The following PRMT3 variants were observed in gnomAD, a reference collection of about 807,000 sequenced individuals.
PRMT3 encodes protein arginine N-methyltransferase 3.
PRMT3 carries 62 observed loss-of-function variants against 71.9 expected under a neutral mutation model. The observed-to-expected ratio is 0.86, with a 90% CI of 0.70 to 1.07. The LOEUF is 1.07. Ranked by LOEUF, PRMT3 falls within the 50% of genes least tolerant of loss-of-function variation. The probability of loss-of-function intolerance (pLI) is 0.00; values close to 1 mark genes in which losing one functional copy is unlikely to be tolerated. For synonymous variants in PRMT3, 213 were observed against 220.4 expected, an observed-to-expected ratio of 0.97 and a Z score of 0.30; for missense variants, 663 against 643.0, an observed-to-expected ratio of 1.03 and a Z score of -0.34.
At chr11:20,410,732 C>T (rs564634571) in intron 9 of PRMT3, among the ~76,000 whole-genome samples, 8 of 151,908 alleles carry the variant, frequency 5.3e-5, no homozygotes, top group East Asian at 1.9e-4. Context: ...TTAAAGTCTC[C>T]GGGAAAGCTA....
intron 15 of PRMT3, 56 bp downstream of exon 15, chr11:20,494,310 C>T (rs1851283865): frequency 1.4e-6 from 2 of 1,380,976 alleles, no homozygotes; most frequent in Non-Finnish European, 2.0e-6. Flanking sequence ...AAATGATATT[C>T]ATTCATTTTA....
chr11:20,467,299 C>G (rs1485862489), intron 13 of PRMT3, among the ~76,000 whole-genome samples: 1 of 152,172 alleles, frequency 6.6e-6, no homozygotes, highest in East Asian at 1.9e-4. Flanking sequence ...GTGCTAATCA[C>G]TTTAAAAGCA....
intron 13 of PRMT3, among the ~76,000 whole-genome samples, chr11:20,466,563 GCAGTTTTAGCTA>G (rs1183984727): frequency 6.6e-6 from 1 of 152,128 alleles, no homozygotes. Flanking sequence ...GTTTTGGAAA[GCAGTTTTAGCTA>G]CAGTTTTATA....
At chr11:20,493,316 A>G (rs949407502) in intron 13 of PRMT3, among the ~76,000 whole-genome samples, 2 of 152,208 alleles carry the variant, frequency 1.3e-5, no homozygotes, top group African/African-American at 4.8e-5. Context: ...ACTTAAAAAC[A>G]GATATACTGG....
At chr11:20,472,601 A>C (rs111593231) in intron 13 of PRMT3, among the ~76,000 whole-genome samples, 21 of 151,886 alleles carry the variant, frequency 1.4e-4, no homozygotes, top group African/African-American at 3.9e-4. Context: ...TTTTGCATTG[A>C]TGTTCATCAA....
Position 20,499,834 on chromosome 11 carries a change from T to C in PRMT3, c.1486+5580T>C, listed in dbSNP as rs1031617454. 2.0e-5 allele frequency among the ~76,000 whole-genome samples: 3 copies of C among 152,272 alleles called. No individual in the cohort carries two copies. The East Asian group carries it at 5.8e-4, about 29-fold the overall frequency. On this transcript the variant is annotated intron_variant, in intron 15 of 15. Transcript: ENST00000331079. ...AATGCTGCCTCCAGGAAGCACACTT[T>C]AAATATAAAGGCACTGAAATTCCGG... is the stretch of plus-strand genomic sequence containing the variant.
chr11:20,393,426 C>T (rs1376459237), intron 5 of PRMT3, among the ~76,000 whole-genome samples: 1 of 152,200 alleles, frequency 6.6e-6, no homozygotes, highest in Non-Finnish European at 1.5e-5. Flanking sequence ...ACTCTGTGAT[C>T]AAAAGATTGT....
In PRMT3 at chr11:20,392,299, CAAAG is replaced by C. The variant is rs1359867528; in HGVS notation, c.297+43_297+46del. ...TTAATTTATAATTTCGTTTAGAAAT[CAAAG>C]AAATGCTACAGTGACTGTCAGTGTA... is the stretch of plus-strand genomic sequence containing the variant. On this transcript the variant is annotated intron_variant, in intron 4 of 15. Transcript: ENST00000331079. The C allele has an allele frequency of 1.2e-5, 19 of 1,523,648 alleles. 1 individual carries two copies. Among genetic ancestry groups the C allele is most frequent in the African/African-American group, 1.1e-4 (8 of 72,068 alleles). The allele number at this position is 1,523,648 out of a possible 1,614,324, so 94.4% of individuals were successfully genotyped here. A position where few individuals can be genotyped will look rare whatever the true frequency, so the allele number is the denominator to read the frequency against.
At chr11:20,494,325 C>T in intron 15 of PRMT3, 71 bp downstream of exon 15, 1 of 1,279,622 alleles carries the variant, frequency 7.8e-7, no homozygotes, top group Non-Finnish European at 1.1e-6. Flanking sequence ...ATTTTACAGC[C>T]ACTTTTTATG....
At chr11:20,398,878 C>T (rs995493163) in intron 7 of PRMT3, among the ~76,000 whole-genome samples, 2 of 152,174 alleles carry the variant, frequency 1.3e-5, no homozygotes, top group Admixed American at 6.5e-5. Context: ...ACACATTTCT[C>T]AGAAGTATCC....
chr11:20,397,666 A>G lies in PRMT3; in HGVS notation c.650A>G (p.Asp217Gly). The change falls in exon 7 of 16, where the codon GAT becomes GGT. Residue 217 changes from aspartate to glycine, a missense_variant. Asp to Gly is a moderately conservative substitution (Grantham distance 94). Coordinates refer to ENST00000331079, the MANE Select transcript of PRMT3 (RefSeq NM_005788.4). ...SVIADLQEDE[D>G]GVYFSSYGHY... ...ATTGCGGACCTCCAGGAGGATGAGG[A>G]TGGTGTTTATTTCAGCTCATACGGG... is the stretch of plus-strand genomic sequence containing the variant. 1 of 1,614,168 alleles carries G rather than the reference A, an allele frequency of 6.2e-7. No individual in the cohort carries two copies. The highest frequency in any genetic ancestry group is 8.5e-7 in the Non-Finnish European group (1 of 1,180,026).
intron 6 of PRMT3, among the ~76,000 whole-genome samples, 166 bp downstream of exon 6, chr11:20,396,128 A>G (rs994164251): frequency 6.6e-6 from 1 of 152,240 alleles, no homozygotes; most frequent in Non-Finnish European, 1.5e-5. Flanking sequence ...CTATGGATAT[A>G]GTTAATTAAT....
chr11:20,473,890 A>AAC (rs2133421203), intron 13 of PRMT3, among the ~76,000 whole-genome samples: 1 of 152,200 alleles, frequency 6.6e-6, no homozygotes, highest in East Asian at 1.9e-4. Flanking sequence ...TGAGGTTGTT[A>AAC]ACCTTTGAAT....
At chr11:20,499,858 G>A (rs758046378) in intron 15 of PRMT3, among the ~76,000 whole-genome samples, 6 of 152,240 alleles carry the variant, frequency 3.9e-5, no homozygotes, top group Non-Finnish European at 8.8e-5. Context: ...CTGAAATTCC[G>A]GTCCCAGGTA....
intron 9 of PRMT3, among the ~76,000 whole-genome samples, chr11:20,415,119 A>T (rs1010207310): frequency 6.6e-6 from 1 of 151,802 alleles, no homozygotes; most frequent in Non-Finnish European, 1.5e-5. Flanking sequence ...GCTACTTCAT[A>T]TTTTGTTTCT....
At chr11:20,400,972 AT>A (rs35357971) in intron 7 of PRMT3, among the ~76,000 whole-genome samples, 120,979 of 148,208 alleles carry the variant, frequency 0.82, 51,155 homozygotes, top group Non-Finnish European at 0.95. Context: ...TATTTATTGG[AT>A]TTTTTTTTTT....
chr11:20,392,161 A>G, intron 3 of PRMT3, 50 bp from the exon 4 acceptor site: 1 of 1,537,162 alleles, frequency 6.5e-7, no homozygotes, highest in South Asian at 1.2e-5. Context: ...AGGTCAGTTA[A>G]ACAAAACTCA....
At chr11:20,502,267 T>C (rs1435105530) in intron 15 of PRMT3, among the ~76,000 whole-genome samples, 1 of 152,224 alleles carries the variant, frequency 6.6e-6, no homozygotes, top group Admixed American at 6.5e-5. Context: ...ATTCTGGTAT[T>C]ATAGCCACTG....
At chr11:20,414,581 G>A (rs1350649605) in intron 9 of PRMT3, among the ~76,000 whole-genome samples, 1 of 152,150 alleles carries the variant, frequency 6.6e-6, no homozygotes, top group Non-Finnish European at 1.5e-5. Flanking sequence ...GGAAGCGCAG[G>A]TAGCGTCTGT....
Sources: gnomAD v4.1 joint callset for allele counts (sites outside exome capture counted in the v4.1 genomes callset) on GRCh38, gnomAD v4.1.1 for gene constraint, MANE v1.5 for transcripts, NCBI Gene and HGNC (gene_info 2026-07-23, HGNC 2026-07-21) for gene names.